RARB: variants seen among roughly 807,000 people sequenced by gnomAD.
RARB encodes HBV-activated protein.
Under a neutral mutation model 51.9 loss-of-function variants are expected in RARB, and 17 were observed. That is an observed-to-expected ratio of 0.33 (90% CI 0.22 to 0.49). The LOEUF is 0.49. Among genes scored for constraint, RARB ranks in the 20% least tolerant of loss-of-function variants. The probability of loss-of-function intolerance (pLI) is 0.99; values close to 1 mark genes in which losing one functional copy is unlikely to be tolerated. For missense variants in RARB, 369 were observed against 550.8 expected (o/e 0.67, Z 3.30); for synonymous variants, 215 against 195.4 (o/e 1.10, Z -0.84).
chr3:25,447,160 G>T (rs1160350283), intron 1 of RARB, among the ~76,000 whole-genome samples: 1 of 152,180 alleles, frequency 6.6e-6, no homozygotes, highest in African/African-American at 2.4e-5. Flanking sequence ...CTGCTGAACT[G>T]GCTGAAAGTA....
intron 5 of RARB, among the ~76,000 whole-genome samples, chr3:25,363,472 A>T (rs1443698650): frequency 1.3e-5 from 2 of 152,148 alleles, no homozygotes; most frequent in Non-Finnish European, 2.9e-5. Context: ...GTTGATGGCA[A>T]CTTCATCTTT....
At chr3:25,421,092 T>C (rs1010003688) in intron 5 of RARB, among the ~76,000 whole-genome samples, 1 of 151,860 alleles carries the variant, frequency 6.6e-6, no homozygotes, top group African/African-American at 2.4e-5. Flanking sequence ...TTCATGGTCA[T>C]TCTGACTCAG....
intron 3 of RARB, among the ~76,000 whole-genome samples, chr3:25,529,549 G>C (rs937974140): frequency 6.6e-6 from 1 of 152,152 alleles, no homozygotes; most frequent in African/African-American, 2.4e-5. Flanking sequence ...CTGAGGAAAT[G>C]ATGAAATGGA....
At chr3:25,395,161 G>A (rs148465402) in intron 5 of RARB, among the ~76,000 whole-genome samples, 2 of 152,234 alleles carry the variant, frequency 1.3e-5, no homozygotes, top group South Asian at 2.1e-4. Context: ...CATTTATTAA[G>A]CTTAGTTTCA....
intron 5 of RARB, among the ~76,000 whole-genome samples, chr3:25,197,505 C>T (rs1575212129): frequency 6.6e-6 from 1 of 151,848 alleles, no homozygotes; most frequent in Non-Finnish European, 1.5e-5. Context: ...TCAATGTATC[C>T]TTGTTTCCAG....
chr3:24,960,764 T>A (rs1199283994), intron 2 of RARB, among the ~76,000 whole-genome samples: 1 of 152,098 alleles, frequency 6.6e-6, no homozygotes, highest in East Asian at 1.9e-4. Flanking sequence ...CTTTGGATTT[T>A]TTTTTTTTTT....
rs146918046 is a variant in RARB, at chr3:25,205,746, C to G, written c.178+31171C>G. On this transcript the variant is annotated intron_variant, in intron 5 of 11. Coordinates refer to the RARB transcript ENST00000383772. ...AAAAATAAAAACAAATATTAAAAAC[C>G]TTTTTTTTTTTCTTGAGACGGGGTC... Among the ~76,000 whole-genome samples the G allele has an allele frequency of 4.1e-3, 598 of 147,604 alleles. 10 individuals carry two copies. Among genetic ancestry groups the G allele is most frequent in the East Asian group, 0.029 (149 of 5,052 alleles).
chr3:25,003,556 C>G (rs538082057), intron 2 of RARB, among the ~76,000 whole-genome samples: 2 of 152,148 alleles, frequency 1.3e-5, no homozygotes, highest in East Asian at 3.9e-4. Flanking sequence ...ATAGGTACAA[C>G]TACTGGCCTT....
chr3:25,501,154 GT>G (rs748921309), intron 2 of RARB, 27 bp from the exon 3 acceptor site: 1 of 1,559,462 alleles, frequency 6.4e-7, no homozygotes, highest in Non-Finnish European at 8.6e-7. Context: ...GCTTTACTGA[GT>G]TTTTTCATCT....
At chr3:25,546,812 T>C (rs1418759629) in intron 3 of RARB, among the ~76,000 whole-genome samples, 1 of 152,026 alleles carries the variant, frequency 6.6e-6, no homozygotes, top group Non-Finnish European at 1.5e-5. Context: ...TTATTCTGAG[T>C]TTTTTCTCGG....
chr3:25,281,982 T>C (rs972857778), intron 5 of RARB, among the ~76,000 whole-genome samples: 1 of 152,186 alleles, frequency 6.6e-6, no homozygotes, highest in Admixed American at 6.5e-5. Flanking sequence ...GTACAGAGAT[T>C]AATGAGGCAC....
At chr3:24,930,797 C>A (rs1182309460) in intron 2 of RARB, among the ~76,000 whole-genome samples, 1 of 152,012 alleles carries the variant, frequency 6.6e-6, no homozygotes, top group Non-Finnish European at 1.5e-5. Context: ...TTGCCAGAGG[C>A]CAGGAGTTAG....
At chr3:24,894,390 T>C (rs1703441470) in intron 2 of RARB, among the ~76,000 whole-genome samples, 1 of 151,928 alleles carries the variant, frequency 6.6e-6, no homozygotes, top group African/African-American at 2.4e-5. Context: ...CCTATGTTAC[T>C]TCACTTAGGA....
intron 5 of RARB, among the ~76,000 whole-genome samples, chr3:25,407,515 A>G (rs1160487290): frequency 6.6e-6 from 1 of 152,152 alleles, no homozygotes. Context: ...TGGATATTGT[A>G]TTTCTGTCCC....
At chr3:25,151,454 C>T (rs997267161) in intron 4 of RARB, among the ~76,000 whole-genome samples, 1 of 152,222 alleles carries the variant, frequency 6.6e-6, no homozygotes, top group African/African-American at 2.4e-5. Flanking sequence ...AATCCACCAA[C>T]ATCTTGTAAT....
At chr3:25,122,524 G>A (rs1047519291) in intron 3 of RARB, among the ~76,000 whole-genome samples, 2 of 152,112 alleles carry the variant, frequency 1.3e-5, no homozygotes, top group Non-Finnish European at 2.9e-5. Context: ...GCATGGTTAA[G>A]GCTGGCTTGT....
chr3:25,337,475 C>T (rs1485065626), intron 5 of RARB, among the ~76,000 whole-genome samples: 1 of 152,170 alleles, frequency 6.6e-6, no homozygotes, highest in African/African-American at 2.4e-5. Flanking sequence ...GCCTCACTTT[C>T]TACATTTGCA....
intron 3 of RARB, among the ~76,000 whole-genome samples, chr3:25,116,085 T>G (rs1699683049): frequency 6.6e-6 from 1 of 152,222 alleles, no homozygotes; most frequent in Admixed American, 6.5e-5. Context: ...TTGACTAAAC[T>G]TCTGCTCTAC....
chr3:25,342,865 G>A lies in RARB; in HGVS notation c.179-118328G>A, dbSNP rs995332745. Among the ~76,000 whole-genome samples the A allele has an allele frequency of 6.6e-5, 10 of 152,250 alleles. No individual in the cohort carries two copies. The East Asian group carries it at 7.7e-4, about 12-fold the overall frequency. ...AAAGAAAATAGAAGGATCTAAAGTG[G>A]TAGAGGTTGTAGCCTTGAAAGATTT... On this transcript the variant is annotated intron_variant, in intron 5 of 11. Coordinates refer to the RARB transcript ENST00000383772.
Sources: allele counts gnomAD v4.1 joint callset (sites outside exome capture counted in the v4.1 genomes callset), GRCh38; gene constraint gnomAD v4.1.1; transcripts MANE v1.5; gene names NCBI Gene and HGNC (gene_info 2026-07-23, HGNC 2026-07-21).